The following NXPE2 variants were observed in gnomAD, a reference collection of about 807,000 sequenced individuals.
NXPE2 encodes NXPE family member 2.
NXPE2 carries 34 observed loss-of-function variants against 34.4 expected under a neutral mutation model. The ratio of observed to expected loss-of-function variants is 0.99; its 90% CI spans 0.75 to 1.31. The LOEUF is 1.31. Among genes scored for constraint, NXPE2 ranks in the 40% most tolerant of loss-of-function variants. NXPE2 has a pLI of 0.00. For missense variants in NXPE2, 649 were observed against 672.5 expected (o/e 0.97, Z 0.39); for synonymous variants, 235 against 231.3 (o/e 1.02, Z -0.15).
At chr11:114,721,895 G>A in the NXPE2 span, among the ~76,000 whole-genome samples, 1 of 152,046 alleles carries the variant, frequency 6.6e-6, no homozygotes. Context: ...ATAGAACAGG[G>A]GAATGTAAGT....
the NXPE2 span, among the ~76,000 whole-genome samples, chr11:114,545,422 G>T: frequency 6.6e-6 from 1 of 151,994 alleles, no homozygotes; most frequent in Non-Finnish European, 1.5e-5. Flanking sequence ...AACAACATAG[G>T]TGAATCTTAA....
the NXPE2 span, among the ~76,000 whole-genome samples, chr11:114,791,948 C>G: frequency 9.3e-4 from 142 of 152,266 alleles, no homozygotes; most frequent in Non-Finnish European, 1.7e-3. Context: ...GTCACAGCTA[C>G]TCGGGAGGCT....
the NXPE2 span, chr11:114,530,834 T>A: frequency 6.2e-7 from 1 of 1,614,174 alleles, no homozygotes; most frequent in Non-Finnish European, 8.5e-7. Context: ...GTATCAGTGA[T>A]GTTTTAGGGA....
chr11:114,721,247 T>C, the NXPE2 span, among the ~76,000 whole-genome samples: 1 of 144,704 alleles, frequency 6.9e-6, no homozygotes, highest in Admixed American at 6.7e-5. Context: ...CTTCAGGTTT[T>C]TTTTTTTTTT....
chr11:114,807,426 T>G, the NXPE2 span, among the ~76,000 whole-genome samples: 1 of 152,118 alleles, frequency 6.6e-6, no homozygotes, highest in African/African-American at 2.4e-5. Flanking sequence ...GACCCATCAG[T>G]GTGCTGTATT....
chr11:114,755,714 ATC>A, the NXPE2 span, among the ~76,000 whole-genome samples: 1 of 140,930 alleles, frequency 7.1e-6, no homozygotes. Flanking sequence ...CTATCCATCT[ATC>A]TCTGTCTATC....
chr11:114,771,546 A>T, the NXPE2 span, among the ~76,000 whole-genome samples: 41,034 of 151,760 alleles, frequency 0.27, 6,193 homozygotes, highest in East Asian at 0.37. Context: ...ACACAGGTCA[A>T]CTGGGAGGGA....
chr11:114,618,284 G>A, the NXPE2 span, among the ~76,000 whole-genome samples: 7 of 150,824 alleles, frequency 4.6e-5, no homozygotes, highest in East Asian at 2.0e-4. Context: ...AAGTATTACC[G>A]CATGGGTAAC....
the NXPE2 span, among the ~76,000 whole-genome samples, chr11:114,804,001 A>G: frequency 1.3e-5 from 2 of 152,180 alleles, no homozygotes; most frequent in African/African-American, 4.8e-5. Context: ...TCAAAATATG[A>G]GTTATGGGGG....
chr11:114,757,824 C>T, the NXPE2 span, among the ~76,000 whole-genome samples: 1 of 152,146 alleles, frequency 6.6e-6, no homozygotes, highest in Non-Finnish European at 1.5e-5. Context: ...AACAAATATT[C>T]ACATTCAGGA....
upstream of NXPE2, among the ~76,000 whole-genome samples, chr11:114,675,928 C>A (rs1291834846): frequency 1.3e-5 from 2 of 151,698 alleles, no homozygotes; most frequent in Non-Finnish European, 2.9e-5. Context: ...CAAATAGAGA[C>A]CCCAGAAATA....
the NXPE2 span, among the ~76,000 whole-genome samples, chr11:114,578,059 T>C: frequency 1.3e-5 from 2 of 152,328 alleles, no homozygotes; most frequent in South Asian, 2.1e-4. Context: ...ATTAGACTTT[T>C]ATCAGAACAT....
the NXPE2 span, among the ~76,000 whole-genome samples, chr11:114,486,287 G>C: frequency 0.27 from 41,706 of 151,930 alleles, 5,864 homozygotes; most frequent in East Asian, 0.37. Context: ...GTTTGCCATT[G>C]GTATGTCTTC....
the NXPE2 span, among the ~76,000 whole-genome samples, chr11:114,650,695 A>G: frequency 4.6e-5 from 7 of 152,298 alleles, no homozygotes; most frequent in South Asian, 6.2e-4. Context: ...TGCTACCATC[A>G]TAAGTAGGGC....
intron 3 of NXPE2, among the ~76,000 whole-genome samples, chr11:114,702,755 C>T (rs941664381): frequency 6.6e-6 from 1 of 152,136 alleles, no homozygotes; most frequent in Non-Finnish European, 1.5e-5. Flanking sequence ...AGTGCTGTCT[C>T]CCATGACTCC....
At chr11:114,725,610 T>C in the NXPE2 span, among the ~76,000 whole-genome samples, 1 of 152,010 alleles carries the variant, frequency 6.6e-6, no homozygotes, top group Non-Finnish European at 1.5e-5. Flanking sequence ...CCACAGGTTC[T>C]CTCTCACCCT....
At chr11:114,490,234 A>G in the NXPE2 span, among the ~76,000 whole-genome samples, 2 of 152,240 alleles carry the variant, frequency 1.3e-5, no homozygotes, top group South Asian at 2.1e-4. Context: ...AGAACATTCC[A>G]TGCTCATGGG....
chr11:114,660,257 T>C, the NXPE2 span, among the ~76,000 whole-genome samples: 6 of 151,976 alleles, frequency 3.9e-5, no homozygotes, highest in Non-Finnish European at 1.5e-5. Flanking sequence ...ATTCTACTGA[T>C]TTTTTTCAGA....
chr11:114,713,076 T>G, the NXPE2 span, among the ~76,000 whole-genome samples: 1 of 152,084 alleles, frequency 6.6e-6, no homozygotes, highest in Non-Finnish European at 1.5e-5. Context: ...TTCATAGCAG[T>G]CAAAATCATA....
Sources: allele counts gnomAD v4.1 joint callset (sites outside exome capture counted in the v4.1 genomes callset), GRCh38; gene constraint gnomAD v4.1.1; transcripts MANE v1.5; gene names NCBI Gene and HGNC (gene_info 2026-07-23, HGNC 2026-07-21).